Variants in TFB2M observed in about 807,000 individuals in gnomAD.
TFB2M encodes the protein dimethyladenosine transferase 2, mitochondrial.
Under a neutral mutation model 41.3 loss-of-function variants are expected in TFB2M, and 44 were observed. The observed-to-expected ratio is 1.07, with a 90% CI of 0.84 to 1.37. TFB2M has a LOEUF of 1.37. Ranked by LOEUF, TFB2M falls within the 40% of genes most tolerant of loss-of-function variation. The pLI, the probability that TFB2M is intolerant of heterozygous loss-of-function variation, is 0.00. For synonymous variants in TFB2M, 188 were observed against 176.8 expected (o/e 1.06, Z -0.50); for missense variants, 496 against 490.2 (o/e 1.01, Z -0.11).
intron 2 of TFB2M, among the ~76,000 whole-genome samples, chr1:246,561,448 A>G (rs1045603527): frequency 1.3e-5 from 2 of 152,152 alleles, no homozygotes; most frequent in African/African-American, 2.4e-5. Flanking sequence ...ATTGTTTTAA[A>G]ATTAAACTGT....
intron 6 of TFB2M, among the ~76,000 whole-genome samples, chr1:246,545,812 G>GAAAAAAAAAAAAAAAAAAAA (rs869274564): frequency 1.9e-5 from 1 of 52,708 alleles, no homozygotes; most frequent in African/African-American, 6.1e-5. Flanking sequence ...ACCCTGATTC[G>GAAAAAAAAAAAAAAAAAAAA]AAAAAAAAAA....
At chr1:246,548,071 T>C (rs1439286314) in intron 6 of TFB2M, among the ~76,000 whole-genome samples, 1 of 152,058 alleles carries the variant, frequency 6.6e-6, no homozygotes, top group Non-Finnish European at 1.5e-5. Context: ...TTCAGCGTCC[T>C]GAATAGCTGG....
intron 2 of TFB2M, among the ~76,000 whole-genome samples, chr1:246,562,677 A>G (rs1259616795): frequency 6.7e-6 from 1 of 149,448 alleles, no homozygotes; most frequent in Non-Finnish European, 1.5e-5. Context: ...TTTTTTTTTG[A>G]GACAAAGAGT....
chr1:246,555,172 C>T (rs186841457), intron 4 of TFB2M, among the ~76,000 whole-genome samples: 1 of 151,288 alleles, frequency 6.6e-6, no homozygotes, highest in African/African-American at 2.4e-5. Flanking sequence ...GAGGTATTAC[C>T]AAAAACCCAG....
chr1:246,557,074 G>T (rs898459637), intron 3 of TFB2M, among the ~76,000 whole-genome samples: 5 of 152,108 alleles, frequency 3.3e-5, no homozygotes, highest in African/African-American at 1.2e-4. Context: ...TGGAGTTTGA[G>T]ACCAGCCTGG....
intron 2 of TFB2M, among the ~76,000 whole-genome samples, chr1:246,562,636 A>C (rs1335055194): frequency 6.6e-6 from 1 of 152,200 alleles, no homozygotes; most frequent in East Asian, 1.9e-4. Context: ...ACCACTGTTA[A>C]TAAGGCAGAT....
In TFB2M at chr1:246,564,415, C is replaced by T. The variant is rs775852320; in HGVS notation, c.333G>A (p.Gln111=). ...ECNPGPGILT[Q]ALLEAGAKVV... ...CTTTGGCACCAGCTTCAAGTAATGC[C>T]TGAGTCAGGATTCCAGGACCTGGCA... The change falls in exon 2 of 8, where the codon CAG becomes CAA. Residue 111 remains glutamine (Q), a synonymous_variant. Coordinates refer to ENST00000366514, the MANE Select transcript of TFB2M (RefSeq NM_022366.3). 8.1e-6 allele frequency: 13 copies of T among 1,614,010 alleles called. No individual in the cohort carries two copies. Among genetic ancestry groups the T allele is most frequent in the South Asian group, 1.1e-5 (1 of 91,086 alleles).
chr1:246,544,892 A>G (rs191129170), intron 6 of TFB2M, among the ~76,000 whole-genome samples: 1,862 of 152,154 alleles, frequency 0.012, 45 homozygotes, highest in African/African-American at 0.042. Context: ...TGAAAGCTCC[A>G]TCTCCCGGGT....
rs1343293587 is a variant in TFB2M at position 246,556,608 on chromosome 1, C to A, written c.670G>T (p.Glu224Ter). Residue 224 changes from glutamate to a stop codon, truncating the protein, a stop_gained, in exon 4 of 8, where the codon GAA becomes TAA. Coordinates refer to ENST00000366514, the MANE Select transcript of TFB2M (RefSeq NM_022366.3). LOFTEE classifies it high-confidence loss of function. ...TTTTCACCAATAAACATATTTACTT[C>A]TATTCGTCCAAATTTATATATAGAA... ...CTSIYKFGRI[E>*]VNMFIGEKEF... The A allele has an allele frequency of 3.2e-6, 5 of 1,540,202 alleles. No homozygotes were observed. In the African/African-American group the frequency reaches 5.6e-5, roughly 17 times the overall value.
At chr1:246,557,291 T>A in intron 3 of TFB2M, 90 bp downstream of exon 3, 4 of 1,435,130 alleles carry the variant, frequency 2.8e-6, no homozygotes, top group South Asian at 1.3e-5. Flanking sequence ...AACAAATAAA[T>A]AAAACACAAA....
At chr1:246,547,695 A>C (rs1235601187) in intron 6 of TFB2M, among the ~76,000 whole-genome samples, 4 of 152,084 alleles carry the variant, frequency 2.6e-5, no homozygotes, top group Non-Finnish European at 5.9e-5. Flanking sequence ...CCAAACCTTA[A>C]AGACAGGCAT....
In TFB2M at chr1:246,557,413, T is replaced by C; in HGVS notation, c.524A>G (p.Asn175Ser). ...CCAAGGAACTGCTTCTATTCCCAAATTCTTAAAGAGCCCTCGAGAAGACAT... is the reference window on the plus strand; with the variant it reads ...CCAAGGAACTGCTTCTATTCCCAAACTCTTAAAGAGCCCTCGAGAAGACAT... ...PAMSSRGLFK[N>S]LGIEAVPWTA... Residue 175 changes from asparagine (N) to serine (S), a missense_variant, in exon 3 of 8, where the codon AAT (asparagine) becomes AGT (serine). Asn to Ser is a conservative substitution (Grantham distance 46, BLOSUM62 1). Transcript: ENST00000366514. The C allele has an allele frequency of 6.2e-7, 1 of 1,613,108 alleles. No individual in the cohort carries two copies. Among genetic ancestry groups the C allele is most frequent in the Non-Finnish European group, 8.5e-7 (1 of 1,179,730 alleles).
chr1:246,564,607 CTTAT>C (rs1558516334), intron 1 of TFB2M, among the ~76,000 whole-genome samples, 173 bp from the exon 2 acceptor site: 1 of 152,050 alleles, frequency 6.6e-6, no homozygotes, highest in South Asian at 2.1e-4. Context: ...ATTATATATA[CTTAT>C]TTGACTCCAG....
chr1:246,545,416 T>C (rs1658988756), intron 6 of TFB2M, among the ~76,000 whole-genome samples: 1 of 151,810 alleles, frequency 6.6e-6, no homozygotes, highest in Non-Finnish European at 1.5e-5. Flanking sequence ...TCCCAGCTAC[T>C]CGGGAGGCTG....
At chr1:246,544,438 A>C (rs1658943517) in intron 7 of TFB2M, 83 bp downstream of exon 7, 1 of 1,262,526 alleles carries the variant, frequency 7.9e-7, no homozygotes, top group African/African-American at 1.6e-5. Flanking sequence ...CTGTCAATCA[A>C]GATATAAAAA....
chr1:246,563,545 A>T (rs1246025426), intron 2 of TFB2M, among the ~76,000 whole-genome samples: 1 of 152,018 alleles, frequency 6.6e-6, no homozygotes, highest in Non-Finnish European at 1.5e-5. Context: ...CAGTGGTTAC[A>T]GTGAGCCGAG....
In TFB2M at chr1:246,551,215, T is replaced by G. The variant is rs376701161; in HGVS notation, c.793A>C (p.Met265Leu). 7 of 1,612,518 alleles carry G rather than the reference T, an allele frequency of 4.3e-6. No individual in the cohort carries two copies. The highest frequency in any genetic ancestry group is 5.1e-6 in the Non-Finnish European group (6 of 1,178,772). The change falls in exon 5 of 8, where the codon ATG becomes CTG. Residue 265 changes from methionine to leucine, a missense_variant and splice_region_variant. Coordinates refer to ENST00000366514, the MANE Select transcript of TFB2M (RefSeq NM_022366.3). ...QLACEIKVLH[M>L]EPWSSFDIYT... ...TTAAACAGAAGGATTTTACTCACCATGTGCAGAACCTTAATCTCACAAGCT... is the reference window on the plus strand; with the variant it reads ...TTAAACAGAAGGATTTTACTCACCAGGTGCAGAACCTTAATCTCACAAGCT...
chr1:246,560,674 ATAAT>A (rs1178773854), intron 2 of TFB2M, among the ~76,000 whole-genome samples: 5 of 152,254 alleles, frequency 3.3e-5, no homozygotes, highest in African/African-American at 1.2e-4. Flanking sequence ...TTCAGGATAA[ATAAT>A]TCAATTCATA....
At chr1:246,559,126 T>G (rs1185593122) in intron 2 of TFB2M, among the ~76,000 whole-genome samples, 2 of 152,202 alleles carry the variant, frequency 1.3e-5, no homozygotes, top group Non-Finnish European at 2.9e-5. Flanking sequence ...TTTCTTCTTA[T>G]TTTTTATTGA....
Sources: gnomAD v4.1 joint callset for allele counts (sites outside exome capture counted in the v4.1 genomes callset) on GRCh38, gnomAD v4.1.1 for gene constraint, MANE v1.5 for transcripts, NCBI Gene and HGNC (gene_info 2026-07-23, HGNC 2026-07-21) for gene names.